The following GPR158 variants were observed in gnomAD, a reference collection of about 807,000 sequenced individuals.
GPR158 encodes metabotropic glycine receptor.
GPR158 carries 30 observed loss-of-function variants against 78.2 expected under a neutral mutation model. The observed-to-expected ratio is 0.38, with a 90% CI of 0.29 to 0.52. The LOEUF is 0.52. Among genes scored for constraint, GPR158 ranks in the 20% least tolerant of loss-of-function variants. The pLI is 0.83. For synonymous variants in GPR158, 581 were observed against 591.1 expected, an observed-to-expected ratio of 0.98 and a Z score of 0.25; for missense variants, 1,463 against 1,523.5, an observed-to-expected ratio of 0.96 and a Z score of 0.66.
intron 4 of GPR158, among the ~76,000 whole-genome samples, chr10:25,437,779 G>T (rs1289301356): frequency 1.3e-5 from 2 of 152,188 alleles, no homozygotes; most frequent in Non-Finnish European, 2.9e-5. Flanking sequence ...TGGAAAAGTA[G>T]AGAGTGTAAA....
At chr10:25,545,613 A>C (rs1013613412) in intron 5 of GPR158, among the ~76,000 whole-genome samples, 3 of 152,130 alleles carry the variant, frequency 2.0e-5, no homozygotes, top group East Asian at 1.9e-4. Flanking sequence ...AAAATATTGA[A>C]CTTTCTAATC....
Position 25,316,933 on chromosome 10 carries a change from G to GTATATA in GPR158, c.1009-78967_1009-78962dup, listed in dbSNP as rs35117291. 1.5e-3 allele frequency among the ~76,000 whole-genome samples: 225 copies of GTATATA among 148,892 alleles called. 1 individual carries two copies. Among genetic ancestry groups the GTATATA allele is most frequent in the African/African-American group, 5.2e-3 (211 of 40,696 alleles). ...TGTTTATGTGTGTGTGTATGTGTGT[G>GTATATA]TATATATATATATATACACTCTTCC... On this transcript the variant is annotated intron_variant, in intron 2 of 10. Coordinates refer to ENST00000376351, the MANE Select transcript of GPR158 (RefSeq NM_020752.3).
intron 5 of GPR158, among the ~76,000 whole-genome samples, chr10:25,541,924 TTA>T (rs1273523299): frequency 6.8e-6 from 1 of 147,746 alleles, no homozygotes; most frequent in Non-Finnish European, 1.5e-5. Flanking sequence ...ATAAATTATA[TTA>T]TATATTATAT....
intron 2 of GPR158, among the ~76,000 whole-genome samples, chr10:25,221,636 T>C (rs556259172): frequency 6.6e-6 from 1 of 152,310 alleles, no homozygotes; most frequent in African/African-American, 2.4e-5. Flanking sequence ...AGGAATTGTG[T>C]ATATGTGTGT....
intron 5 of GPR158, among the ~76,000 whole-genome samples, chr10:25,471,530 T>C (rs943085941): frequency 2.6e-5 from 4 of 152,198 alleles, no homozygotes; most frequent in African/African-American, 9.7e-5. Flanking sequence ...CCTTGAGGAA[T>C]CGCCACACTG....
rs1304385125 is a variant in GPR158 at position 25,601,875 on chromosome 10, T to TA, written c.*2602dup. The TA allele has an allele frequency of 3.3e-5, 5 of 152,652 alleles. No homozygotes were observed. The highest frequency in any genetic ancestry group is 1.2e-4 in the African/African-American group (5 of 41,454). The allele number at this position is 152,652 out of a possible 1,614,324, so 9.5% of individuals were successfully genotyped here. On this transcript the variant is annotated 3_prime_UTR_variant, in exon 11 of 11. Coordinates refer to ENST00000376351, the MANE Select transcript of GPR158 (RefSeq NM_020752.3). ...CCAATCTTAATAGAATTGTATATTT[T>TA]ATGCAAGAATTAAATGCTTTACAAC... is the stretch of plus-strand genomic sequence containing the variant.
chr10:25,447,943 CAG>C (rs1835159102), intron 4 of GPR158, among the ~76,000 whole-genome samples: 3 of 152,202 alleles, frequency 2.0e-5, no homozygotes, highest in Admixed American at 2.0e-4. Context: ...TGCCCCTTGG[CAG>C]TCAGTCCCAC....
intron 2 of GPR158, among the ~76,000 whole-genome samples, chr10:25,383,690 A>AT (rs1159914054): frequency 1.3e-5 from 2 of 152,142 alleles, no homozygotes; most frequent in African/African-American, 4.8e-5. Context: ...ATCTTCCCTT[A>AT]TTTGAAGCTT....
rs575141456 is a variant in GPR158, at chr10:25,264,184, T to C, written c.1008+43027T>C. Among the ~76,000 whole-genome samples, 148 of 152,308 alleles carry C rather than the reference T, an allele frequency of 9.7e-4. 1 individual carries two copies. Among genetic ancestry groups the C allele is most frequent in the Middle Eastern group, 3.4e-3 (1 of 294 alleles). ...TGCCAATATCCAGTCCTTTGTACGT[T>C]GAATCTGCACTGGCTCTTTGTAACC... On this transcript the variant is annotated intron_variant, in intron 2 of 10. Transcript: ENST00000376351.
At chr10:25,317,208 C>T (rs540371396) in intron 2 of GPR158, among the ~76,000 whole-genome samples, 4 of 151,862 alleles carry the variant, frequency 2.6e-5, no homozygotes, top group Non-Finnish European at 5.9e-5. Flanking sequence ...CCACACCAGG[C>T]TAATTTTTTT....
chr10:25,544,574 A>G (rs939601787), intron 5 of GPR158, among the ~76,000 whole-genome samples: 3 of 152,128 alleles, frequency 2.0e-5, no homozygotes, highest in Non-Finnish European at 4.4e-5. Context: ...TCAGTATATC[A>G]CTATTATCAT....
At chr10:25,204,844 C>T (rs188894879) in intron 1 of GPR158, among the ~76,000 whole-genome samples, 1,242 of 92,910 alleles carry the variant, frequency 0.013, 10 homozygotes, top group Middle Eastern at 0.042. Context: ...TTTGTCATTT[C>T]GGTGGGGTCG....
intron 5 of GPR158, among the ~76,000 whole-genome samples, chr10:25,508,024 G>A (rs12358120): frequency 6.6e-6 from 1 of 152,140 alleles, no homozygotes; most frequent in Admixed American, 6.5e-5. Context: ...GGATGATTAC[G>A]AATGGAAATT....
chr10:25,402,742 T>C (rs1432041605), intron 3 of GPR158, among the ~76,000 whole-genome samples: 1 of 152,006 alleles, frequency 6.6e-6, no homozygotes, highest in African/African-American at 2.4e-5. Context: ...ATTTAAATGA[T>C]ATCACAGTTA....
intron 5 of GPR158, among the ~76,000 whole-genome samples, chr10:25,530,853 CTCTGG>C (rs1836414037): frequency 6.6e-6 from 1 of 152,204 alleles, no homozygotes; most frequent in African/African-American, 2.4e-5. Flanking sequence ...TGTGTCAGCT[CTCTGG>C]TCTGCTGGAG....
At chr10:25,573,943 CAG>C (rs974194467) in intron 7 of GPR158, among the ~76,000 whole-genome samples, 2 of 151,390 alleles carry the variant, frequency 1.3e-5, no homozygotes, top group African/African-American at 4.8e-5. Flanking sequence ...GGTAATATAA[CAG>C]AAGATAAATC....
chr10:25,418,256 G>A (rs967149548), intron 4 of GPR158, among the ~76,000 whole-genome samples: 3 of 152,034 alleles, frequency 2.0e-5, no homozygotes, highest in Non-Finnish European at 4.4e-5. Context: ...ATTTGTCCAG[G>A]CCCAAAATAT....
At chr10:25,520,404 C>T (rs1181588989) in intron 5 of GPR158, among the ~76,000 whole-genome samples, 6 of 149,228 alleles carry the variant, frequency 4.0e-5, no homozygotes, top group African/African-American at 1.3e-4. Context: ...CAGCTTTGTT[C>T]TGTTGCTGGT....
intron 2 of GPR158, among the ~76,000 whole-genome samples, chr10:25,366,467 TG>T (rs1408937797): frequency 6.6e-6 from 1 of 151,718 alleles, no homozygotes; most frequent in Admixed American, 6.6e-5. Flanking sequence ...TATGTATTTA[TG>T]GTTTACAACA....
Sources: gnomAD v4.1 joint callset for allele counts (sites outside exome capture counted in the v4.1 genomes callset) on GRCh38, gnomAD v4.1.1 for gene constraint, MANE v1.5 for transcripts, NCBI Gene and HGNC (gene_info 2026-07-23, HGNC 2026-07-21) for gene names.